The following RBM24 variants were observed in gnomAD, a reference collection of about 807,000 sequenced individuals.
The protein encoded by RBM24 is RNA-binding protein 24.
A neutral mutation model predicts 23.6 loss-of-function variants in RBM24; 5 were observed. That is an observed-to-expected ratio of 0.21 (90% confidence interval 0.11 to 0.45). The LOEUF is 0.45. Ranked by LOEUF, RBM24 falls within the 20% of genes least tolerant of loss-of-function variation. The pLI is 0.99. For synonymous variants in RBM24, 151 were observed against 129.5 expected (o/e 1.17, Z -1.13); for missense variants, 252 against 314.6 (o/e 0.80, Z 1.51).
intron 3 of RBM24, chr6:17,290,889 A>G (rs1258488639): frequency 7.8e-7 from 1 of 1,289,470 alleles, no homozygotes; most frequent in South Asian, 1.2e-5. Flanking sequence ...CTGATAGTCA[A>G]ACAGGTTTGG....
intron 3 of RBM24, chr6:17,288,621 G>A: frequency 1.0e-6 from 1 of 985,452 alleles, no homozygotes; most frequent in Non-Finnish European, 1.2e-6. Flanking sequence ...GAGTGCTAGA[G>A]CTAGGGTGAG....
chr6:17,291,989 G>C lies in RBM24; in HGVS notation c.581G>C (p.Gly194Ala), dbSNP rs1376420759. The change falls in exon 4 of 4, where the codon GGC becomes GCC. Residue 194 changes from glycine to alanine, a missense_variant. By Grantham distance (60) the Gly-to-Ala change is moderately conservative. Transcript: ENST00000379052. ...AAGYVTAGGY[G>A]YAVQQPITAA... Reference sequence around the variant, plus strand: ...GGATATGTTACTGCTGGGGGCTATGGCTACGCAGTCCAGCAGCCAATCACC... The same window carrying C: ...GGATATGTTACTGCTGGGGGCTATGCCTACGCAGTCCAGCAGCCAATCACC... 1.9e-6 allele frequency: 3 copies of C among 1,608,780 alleles called. No homozygotes were observed. In the Admixed American group the frequency reaches 5.0e-5, roughly 27 times the overall value.
At chr6:17,285,298 A>C (rs1760160068) in intron 3 of RBM24, 3 of 152,166 alleles carry the variant, frequency 2.0e-5, no homozygotes, top group South Asian at 2.1e-4. Context: ...CTTTTTACTT[A>C]ATTGAAAAGA....
intron 3 of RBM24, chr6:17,288,138 C>G: frequency 1.8e-6 from 1 of 542,642 alleles, no homozygotes; most frequent in Non-Finnish European, 2.3e-6. Flanking sequence ...CACAGGACTG[C>G]TAAGTGTTAG....
At chr6:17,282,768 GGTTAT>G (rs1268352144) in intron 1 of RBM24, 32 bp from the exon 2 acceptor site, 6 of 1,612,668 alleles carry the variant, frequency 3.7e-6, no homozygotes, top group Non-Finnish European at 5.1e-6. Context: ...TTAATTTAGA[GGTTAT>G]GTATGTATGT....
chr6:17,284,751 C>A, intron 3 of RBM24, 40 bp downstream of exon 3: 1 of 1,501,018 alleles, frequency 6.7e-7, no homozygotes, highest in Non-Finnish European at 9.2e-7. Context: ...TTCAGTATGA[C>A]TATCATTTGT....
chr6:17,286,481 G>C (rs932448173), intron 3 of RBM24, among the ~76,000 whole-genome samples: 1 of 152,168 alleles, frequency 6.6e-6, no homozygotes, highest in African/African-American at 2.4e-5. Context: ...ACAGGTAGTT[G>C]CATGTGTTTA....
intron 2 of RBM24, among the ~76,000 whole-genome samples, chr6:17,283,338 C>G (rs1303416058): frequency 6.6e-6 from 1 of 152,200 alleles, no homozygotes; most frequent in Non-Finnish European, 1.5e-5. Context: ...ACCAGTTGCA[C>G]TGTGCTCAGA....
intron 3 of RBM24, among the ~76,000 whole-genome samples, chr6:17,290,618 T>C (rs1343123523): frequency 6.6e-6 from 1 of 152,236 alleles, no homozygotes; most frequent in Non-Finnish European, 1.5e-5. Flanking sequence ...ACAATTGATA[T>C]GATTTGTACA....
rs538560522 is a variant in RBM24, at chr6:17,284,734, CTTAAG to C, written c.347+26_347+30del. The C allele has an allele frequency of 6.7e-4, 1,068 of 1,596,096 alleles. 6 individuals are homozygous for C. In the African/African-American group the frequency reaches 0.013, roughly 19 times the overall value. On this transcript the variant is annotated intron_variant, in intron 3 of 3. Coordinates refer to ENST00000379052, the MANE Select transcript of RBM24 (RefSeq NM_001143942.2). ...CGGGTAAGTTGATTAATCAGGCTTTCTTAAGTTTCAGTATGACTATCATTTGTTAA... is the reference window on the plus strand; with the variant it reads ...CGGGTAAGTTGATTAATCAGGCTTTCTTTCAGTATGACTATCATTTGTTAA...
In RBM24 at chr6:17,289,382, C is replaced by G. The variant is rs189070182; in HGVS notation, c.348-2374C>G. 4.1e-6 allele frequency: 4 copies of G among 985,134 alleles called. No individual in the cohort carries two copies. The African/African-American group carries it at 7.0e-5, about 17-fold the overall frequency. 61.0% of individuals were successfully genotyped at this position (985,134 alleles called of 1,614,324 possible). ...TCTAGGTTTTCATTTGCCTTCCAGACGTCTCTTTAACCTTTGCCAAACTTC... is the reference window on the plus strand; with the variant it reads ...TCTAGGTTTTCATTTGCCTTCCAGAGGTCTCTTTAACCTTTGCCAAACTTC... On this transcript the variant is annotated intron_variant, in intron 3 of 3. Transcript: ENST00000379052.
At chr6:17,289,562 C>CT in intron 3 of RBM24, 1 of 985,376 alleles carries the variant, frequency 1.0e-6, no homozygotes, top group Non-Finnish European at 1.2e-6. Flanking sequence ...ACACTTTCTC[C>CT]TTTTTGTAGG....
chr6:17,282,949 C>A, intron 2 of RBM24, 21 bp downstream of exon 2: 1 of 1,566,932 alleles, frequency 6.4e-7, no homozygotes, highest in East Asian at 2.2e-5. Context: ...TCTGTCTCCC[C>A]TACCCCCCTC....
Position 17,292,044 on chromosome 6 carries a change from CGCTGCAGCAGCTGCTGCCGCT to C in RBM24, c.639_659del (p.Ala215_Ala221del), listed in dbSNP as rs1323521098. On this transcript the variant is annotated inframe_deletion, in exon 4 of 4. Coordinates refer to ENST00000379052, the MANE Select transcript of RBM24 (RefSeq NM_001143942.2). ...CGGCACCTGGGACAGCTGCCGCCGCCGCTGCAGCAGCTGCTGCCGCTGCAGCATTTGGCCAGTACCAGCCTC... is the reference window on the plus strand; with the variant it reads ...CGGCACCTGGGACAGCTGCCGCCGCCGCAGCATTTGGCCAGTACCAGCCTC... 26 of 1,595,616 alleles carry C rather than the reference CGCTGCAGCAGCTGCTGCCGCT, an allele frequency of 1.6e-5. No homozygotes were observed. The highest frequency in any genetic ancestry group is 6.7e-5 in the Admixed American group (4 of 59,658).
intron 1 of RBM24, 88 bp from the exon 2 acceptor site, chr6:17,282,717 T>G (rs1402926220): frequency 6.5e-7 from 1 of 1,544,546 alleles, no homozygotes; most frequent in East Asian, 2.4e-5. Flanking sequence ...AGTTTTATCA[T>G]GAATGACTTC....
At chr6:17,288,474 C>T in intron 3 of RBM24, 23 of 983,840 alleles carry the variant, frequency 2.3e-5, no homozygotes, top group Non-Finnish European at 2.8e-5. Context: ...ATTTAATGCA[C>T]AGCAATCCAG....
rs1199079210 is a variant in RBM24, at chr6:17,281,648, A to G, written c.67A>G (p.Thr23Ala). 29 of 1,549,220 alleles carry G rather than the reference A, an allele frequency of 1.9e-5. No individual in the cohort carries two copies. The highest frequency in any genetic ancestry group is 2.5e-5 in the Non-Finnish European group (29 of 1,146,488). ...IFVGGLPYHT[T>A]DASLRKYFEV... is the part of the protein sequence containing the mutation. ...CGTCGGGGGGCTGCCCTACCACACC[A>G]CCGACGCCAGCCTGCGCAAGTACTT... Residue 23 changes from threonine to alanine, a missense_variant, in exon 1 of 4, where the codon ACC becomes GCC. Transcript: ENST00000379052. The surrounding 1 kb of genome is among the most constrained non-coding windows in gnomAD (Gnocchi z 7.1).
At chr6:17,285,836 A>G (rs749513966) in intron 3 of RBM24, among the ~76,000 whole-genome samples, 1 of 152,134 alleles carries the variant, frequency 6.6e-6, no homozygotes, top group African/African-American at 2.4e-5. Context: ...CCTCGCCTCA[A>G]TTTATCCTGG....
Position 17,281,614 on chromosome 6 carries a change from C to T in RBM24, c.33C>T (p.Thr11=). 6.5e-7 allele frequency: 1 copy of T among 1,549,068 alleles called. No individual in the cohort carries two copies. The highest frequency in any genetic ancestry group is 8.7e-7 in the Non-Finnish European group (1 of 1,146,398). ...CGACCCAGAAGGACACGACGTACAC[C>T]AAGATCTTCGTCGGGGGGCTGCCCT... MHTTQKDTTY[T]KIFVGGLPYH... The change falls in exon 1 of 4, where the codon ACC becomes ACT. Residue 11 remains threonine (T), a synonymous_variant. Transcript: ENST00000379052. This position sits in a 1 kb window ranked among gnomAD's most constrained non-coding sequence, Gnocchi z 7.1.
Sources: gnomAD v4.1 joint callset for allele counts (sites outside exome capture counted in the v4.1 genomes callset) on GRCh38, gnomAD v4.1.1 for gene constraint, Gnocchi (gnomAD v3.1) non-coding constraint, MANE v1.5 for transcripts, NCBI Gene and HGNC (gene_info 2026-07-23, HGNC 2026-07-21) for gene names.